LAMB1: variants seen among roughly 807,000 people sequenced by gnomAD.
The protein encoded by LAMB1 is laminin subunit beta-1.
In LAMB1, 121 loss-of-function variants were observed where a neutral mutation model predicts 222.3. The ratio of observed to expected loss-of-function variants is 0.54; its 90% CI spans 0.47 to 0.63. The LOEUF (loss-of-function observed/expected upper bound fraction) is 0.63. Among genes scored for constraint, LAMB1 ranks in the 30% least tolerant of loss-of-function variants. The pLI is 0.00. For synonymous variants in LAMB1, 794 were observed against 807.2 expected (o/e 0.98, Z 0.28); for missense variants, 2,172 against 2,240.8 (o/e 0.97, Z 0.62).
chr7:107,958,135 C>G (rs1303623617), intron 20 of LAMB1, among the ~76,000 whole-genome samples: 1 of 152,112 alleles, frequency 6.6e-6, no homozygotes, highest in Admixed American at 6.5e-5. Flanking sequence ...ATCTTTCTCT[C>G]GTACTTATTC....
rs976940827 is a variant in LAMB1, at chr7:107,975,609, A to G, written c.1189+80T>C. 4 of 1,389,876 alleles carry G rather than the reference A, an allele frequency of 2.9e-6. No homozygotes were observed. In the African/African-American group the frequency reaches 5.8e-5, roughly 20 times the overall value. The allele number at this position is 1,389,876 out of a possible 1,614,324, so 86.1% of individuals were successfully genotyped here. ...TGCTGGCTTTACTGCTCATACTATG[A>G]GCTCTGAGACTACTGACTATTCAGT... is the stretch of plus-strand genomic sequence containing the variant. On this transcript the variant is annotated intron_variant, in intron 10 of 33. Transcript: ENST00000222399.
At chr7:108,000,596 T>C (rs2034363548) in intron 3 of LAMB1, among the ~76,000 whole-genome samples, 1 of 152,268 alleles carries the variant, frequency 6.6e-6, no homozygotes, top group South Asian at 2.1e-4. Flanking sequence ...CAAGCTGGAA[T>C]GCAGTGGACT....
At chr7:107,989,691 C>T (rs2034144219) in intron 5 of LAMB1, among the ~76,000 whole-genome samples, 1 of 152,158 alleles carries the variant, frequency 6.6e-6, no homozygotes, top group Admixed American at 6.5e-5. Flanking sequence ...CGTACCATGG[C>T]AAACTCCCCG....
At chr7:107,967,868 G>T (rs1562994833) in intron 13 of LAMB1, among the ~76,000 whole-genome samples, 1 of 152,168 alleles carries the variant, frequency 6.6e-6, no homozygotes, top group Non-Finnish European at 1.5e-5. Context: ...CCTATGCATT[G>T]ATAGAGTTAC....
In LAMB1 at chr7:107,986,263, G is replaced by A. The variant is rs745388156; in HGVS notation, c.524C>T (p.Pro175Leu). 6.8e-6 allele frequency: 11 copies of A among 1,613,958 alleles called. No individual in the cohort carries two copies. The African/African-American group carries it at 9.3e-5, about 14-fold the overall frequency. ...YFAYDCEASFPGISTGPMKKV... is the reference protein window; with the variant it reads ...YFAYDCEASFLGISTGPMKKV... Reference sequence around the variant, plus strand: ...TTTCATGGGGCCAGTTGAAATGCCTGGAAACGAGGCCTCACAGTCATAGGC... The same window carrying A: ...TTTCATGGGGCCAGTTGAAATGCCTAGAAACGAGGCCTCACAGTCATAGGC... Residue 175 changes from proline (P) to leucine (L), a missense_variant, in exon 6 of 34, where the codon CCA becomes CTA. Coordinates refer to ENST00000222399, the MANE Select transcript of LAMB1 (RefSeq NM_002291.3).
At chr7:108,001,120 G>A (rs2034373868) in intron 3 of LAMB1, among the ~76,000 whole-genome samples, 3 of 152,160 alleles carry the variant, frequency 2.0e-5, no homozygotes, top group Non-Finnish European at 4.4e-5. Flanking sequence ...GGTTCGTTCA[G>A]TGATTGGAAT....
chr7:107,994,754 A>T, intron 5 of LAMB1, 133 bp downstream of exon 5: 1 of 537,576 alleles, frequency 1.9e-6, no homozygotes. Context: ...AAAACTGCTC[A>T]ATTACCCCAA....
chr7:107,998,085 C>T (rs1050930137), intron 4 of LAMB1, among the ~76,000 whole-genome samples: 6 of 152,142 alleles, frequency 3.9e-5, no homozygotes, highest in African/African-American at 1.4e-4. Context: ...CCCCGGCACA[C>T]AAGTATTCTC....
chr7:107,998,350 C>T lies in LAMB1; in HGVS notation c.349+7G>A. The T allele has an allele frequency of 1.2e-6, 2 of 1,613,854 alleles. No homozygotes were observed. Among genetic ancestry groups the T allele is most frequent in the South Asian group, 2.2e-5 (2 of 90,978 alleles). On this transcript the variant is annotated splice_region_variant and intron_variant, in intron 4 of 33. Transcript: ENST00000222399. Reference sequence around the variant, plus strand: ...CAACGGAACTTGTCCCCACACCAACCACATACCATTTTCAGATTGCCACCA... The same window carrying T: ...CAACGGAACTTGTCCCCACACCAACTACATACCATTTTCAGATTGCCACCA...
intron 9 of LAMB1, among the ~76,000 whole-genome samples, chr7:107,976,619 G>C (rs1237947636): frequency 2.0e-5 from 3 of 152,100 alleles, no homozygotes; most frequent in African/African-American, 7.2e-5. Context: ...CAACACAACA[G>C]CCTGCAGAAG....
At chr7:107,982,164 A>C (rs1256610024) in intron 7 of LAMB1, among the ~76,000 whole-genome samples, 1 of 152,194 alleles carries the variant, frequency 6.6e-6, no homozygotes, top group Non-Finnish European at 1.5e-5. Flanking sequence ...TAACTAGACA[A>C]ACGAAGAGCC....
At chr7:107,973,284 G>A (rs1027808810) in intron 12 of LAMB1, among the ~76,000 whole-genome samples, 3 of 152,190 alleles carry the variant, frequency 2.0e-5, no homozygotes, top group South Asian at 2.1e-4. Context: ...TCACAGGATC[G>A]TGCCAGGTCA....
At chr7:107,938,617 G>A (rs1190509057) in intron 25 of LAMB1, among the ~76,000 whole-genome samples, 9 of 152,114 alleles carry the variant, frequency 5.9e-5, no homozygotes, top group African/African-American at 2.2e-4. Flanking sequence ...CTTCTGGCAG[G>A]CTCTCAAAGG....
Position 107,986,332 on chromosome 7 carries a change from C to G in LAMB1, c.455G>C (p.Arg152Pro), listed in dbSNP as rs778475293. 4 of 1,607,462 alleles carry G rather than the reference C, an allele frequency of 2.5e-6. No homozygotes were observed. In the South Asian group the frequency reaches 4.4e-5, roughly 18 times the overall value. The change falls in exon 6 of 34, where the codon CGA becomes CCA. Residue 152 changes from arginine (R) to proline (P), a missense_variant. By Grantham distance (103) the Arg-to-Pro change is moderately radical. Transcript: ENST00000222399. ...TFRPAAMLIERSSDFGKTWGV... is the reference protein window; with the variant it reads ...TFRPAAMLIEPSSDFGKTWGV... Reference sequence around the variant, plus strand: ...CCAGGTTTTCCCAAAGTCGGACGATCGTTCTATCAGCATAGCAGCTGGACG... The same window carrying G: ...CCAGGTTTTCCCAAAGTCGGACGATGGTTCTATCAGCATAGCAGCTGGACG...
intron 8 of LAMB1, among the ~76,000 whole-genome samples, chr7:107,980,149 A>G (rs1293446090): frequency 6.6e-6 from 1 of 152,002 alleles, no homozygotes; most frequent in Non-Finnish European, 1.5e-5. Context: ...CGGATGGTGC[A>G]GTGAGCTGAA....
intron 24 of LAMB1, 89 bp from the exon 25 acceptor site, chr7:107,940,447 A>C: frequency 7.2e-7 from 1 of 1,386,330 alleles, no homozygotes; most frequent in South Asian, 1.4e-5. Flanking sequence ...CTTCACTGTG[A>C]AAATGGGAAG....
intron 21 of LAMB1, 137 bp downstream of exon 21, chr7:107,955,330 T>C (rs1338628949): frequency 2.7e-6 from 2 of 740,728 alleles, no homozygotes; most frequent in Non-Finnish European, 2.0e-6. Flanking sequence ...GAAAAGAGCA[T>C]CTTTTCTAAT....
At chr7:107,999,417 T>C (rs151247711) in intron 3 of LAMB1, among the ~76,000 whole-genome samples, 23 of 152,178 alleles carry the variant, frequency 1.5e-4, no homozygotes, top group Non-Finnish European at 1.3e-4. Context: ...CTGAAATACA[T>C]AGAGACCCAC....
intron 24 of LAMB1, among the ~76,000 whole-genome samples, chr7:107,950,269 A>T (rs562795616): frequency 1.3e-3 from 191 of 152,312 alleles, no homozygotes; most frequent in Non-Finnish European, 2.2e-3. Flanking sequence ...GAGACCTATA[A>T]TTTCAGATGT....
Sources: allele counts gnomAD v4.1 joint callset (sites outside exome capture counted in the v4.1 genomes callset), GRCh38; gene constraint gnomAD v4.1.1; transcripts MANE v1.5; gene names NCBI Gene and HGNC (gene_info 2026-07-23, HGNC 2026-07-21).